ULK1: variants seen among roughly 807,000 people sequenced by gnomAD.
ULK1 encodes serine/threonine-protein kinase ULK1.
A neutral mutation model predicts 117.5 loss-of-function variants in ULK1; 48 were observed. The observed-to-expected ratio is 0.41, with a 90% CI of 0.32 to 0.52. The LOEUF (loss-of-function observed/expected upper bound fraction) is 0.52, where lower values mean the gene tolerates loss of function less well. Among genes scored for constraint, ULK1 ranks in the 20% least tolerant of loss-of-function variants. ULK1 has a pLI of 0.29. For synonymous variants in ULK1, 790 were observed against 637.8 expected, an observed-to-expected ratio of 1.24 and a Z score of -3.60; for missense variants, 1,387 against 1,473.4, an observed-to-expected ratio of 0.94 and a Z score of 0.96.
At chr12:131,910,568 G>C in intron 11 of ULK1, 144 bp from the exon 12 acceptor site, 2 of 1,540,262 alleles carry the variant, frequency 1.3e-6, no homozygotes, top group South Asian at 1.1e-5. Flanking sequence ...GGTGGCCCAG[G>C]AGGGAGCCTC....
intron 3 of ULK1, among the ~76,000 whole-genome samples, chr12:131,896,138 C>T (rs1389792884): frequency 6.6e-6 from 1 of 152,182 alleles, no homozygotes; most frequent in Non-Finnish European, 1.5e-5. Context: ...CCGGCTGGCC[C>T]TGGCAGCACT....
intron 4 of ULK1, 49 bp from the exon 5 acceptor site, chr12:131,907,446 G>GTGGGCCC (rs1566117717): frequency 8.1e-6 from 13 of 1,604,298 alleles, no homozygotes; most frequent in South Asian, 1.1e-5. Context: ...GGGCTGGGAG[G>GTGGGCCC]TGGGCCCTGG....
intron 5 of ULK1, 21 bp downstream of exon 5, chr12:131,907,552 C>A: frequency 6.2e-7 from 1 of 1,606,468 alleles, no homozygotes; most frequent in Non-Finnish European, 8.5e-7. Flanking sequence ...AGCTGCGCCA[C>A]CTGGGCTGCC....
chr12:131,920,947 C>T (rs1270647686), intron 26 of ULK1, 153 bp from the exon 27 acceptor site: 1 of 1,115,816 alleles, frequency 9.0e-7, no homozygotes, highest in Non-Finnish European at 1.2e-6. Context: ...ACCATCCCCT[C>T]TGCACAGCAG....
chr12:131,909,652 CG>C (rs1889438124), intron 8 of ULK1, 122 bp from the exon 9 acceptor site: 1 of 1,054,676 alleles, frequency 9.5e-7, no homozygotes, highest in South Asian at 1.7e-5. Flanking sequence ...CGCTAGCACC[CG>C]GTTTCCCCCG....
chr12:131,909,564 C>T (rs1319471128), intron 8 of ULK1, among the ~76,000 whole-genome samples: 1 of 152,172 alleles, frequency 6.6e-6, no homozygotes, highest in Admixed American at 6.5e-5. Flanking sequence ...AGGCCGCGTT[C>T]TGGGGGGTGG....
At position 131,908,947 on chromosome 12, in the gene ULK1, A is replaced by G. The variant is rs947198242; in HGVS notation, c.540A>G (p.Thr180=). The G allele has an allele frequency of 6.2e-7, 1 of 1,612,436 alleles. No individual in the cohort carries two copies. Among genetic ancestry groups the G allele is most frequent in the Non-Finnish European group, 8.5e-7 (1 of 1,179,796 alleles). ...TCCAGAGCAACATGATGGCGGCCAC[A>G]CTCTGCGGCTCCCCCATGTACATGG... ...RYLQSNMMAA[T]LCGSPMYMAP... The change falls in exon 7 of 28, where the codon ACA becomes ACG. Residue 180 remains threonine (T), a synonymous_variant. Coordinates refer to ENST00000321867, the MANE Select transcript of ULK1 (RefSeq NM_003565.4).
At position 131,919,242 on chromosome 12, in the gene ULK1, C is replaced by T. The variant is rs141188595; in HGVS notation, c.2542C>T (p.Arg848Cys). The change falls in exon 24 of 28, where the codon CGC (arginine) becomes TGC (cysteine). Residue 848 changes from arginine (R) to cysteine (C), a missense_variant. By Grantham distance (180) the Arg-to-Cys change is radical. Coordinates refer to ENST00000321867, the MANE Select transcript of ULK1 (RefSeq NM_003565.4). ...GCACACGGAGATCCTGCGTGGCCTG[C>T]GCTTCACGCTGCTGTTCGTGCAGCA... ...QEHTEILRGL[R>C]FTLLFVQHVL... is the part of the protein sequence containing the mutation. The T allele has an allele frequency of 8.0e-5, 127 of 1,597,184 alleles. No homozygotes were observed. Among genetic ancestry groups the T allele is most frequent in the Non-Finnish European group, 9.9e-5 (116 of 1,177,572 alleles).
At position 131,919,293 on chromosome 12, in the gene ULK1, G is replaced by A. The variant is rs377755333; in HGVS notation, c.2593G>A (p.Gly865Ser). Residue 865 changes from glycine to serine, a missense_variant, in exon 24 of 28, where the codon GGC (glycine) becomes AGC (serine). By Grantham distance (56) the Gly-to-Ser change is moderately conservative. Coordinates refer to ENST00000321867, the MANE Select transcript of ULK1 (RefSeq NM_003565.4). The part of the protein sequence containing the change: ...QHVLEIAALK[G>S]SASEAAGGPE... ...CGTCCTGGAGATCGCAGCCCTGAAG[G>A]GCAGCGCCAGTGAGGCGGCGGGGGG... The A allele has an allele frequency of 2.5e-5, 40 of 1,596,670 alleles. No individual in the cohort carries two copies. The highest frequency in any genetic ancestry group is 3.1e-5 in the Non-Finnish European group (37 of 1,174,840).
intron 3 of ULK1, chr12:131,906,612 C>G: frequency 1.9e-6 from 1 of 518,810 alleles, no homozygotes; most frequent in South Asian, 2.2e-5. Flanking sequence ...GGCCTTCACC[C>G]TTCCTGCTAG....
intron 22 of ULK1, 164 bp from the exon 23 acceptor site, chr12:131,918,333 T>C: frequency 1.2e-6 from 1 of 845,030 alleles, no homozygotes; most frequent in Non-Finnish European, 1.8e-6. Flanking sequence ...GAGGAGTGGC[T>C]CTAGGGGCCT....
chr12:131,913,340 C>A, intron 14 of ULK1, 82 bp downstream of exon 14: 1 of 1,362,718 alleles, frequency 7.3e-7, no homozygotes, highest in Non-Finnish European at 9.7e-7. Context: ...TACAATGAGC[C>A]GAGATCGCGC....
intron 3 of ULK1, among the ~76,000 whole-genome samples, chr12:131,901,228 G>A (rs1219353095): frequency 1.3e-5 from 2 of 151,820 alleles, no homozygotes; most frequent in Non-Finnish European, 1.5e-5. Flanking sequence ...GCGTGGTGGT[G>A]GGCGCCTGTA....
At chr12:131,914,548 CAT>C in intron 16 of ULK1, 71 bp downstream of exon 16, 1 of 1,543,542 alleles carries the variant, frequency 6.5e-7, no homozygotes, top group Non-Finnish European at 8.8e-7. Flanking sequence ...CCACGGCTCC[CAT>C]AGAGGGACAG....
At chr12:131,914,521 G>A (rs570934165) in intron 16 of ULK1, 44 bp downstream of exon 16, 19 of 1,588,192 alleles carry the variant, frequency 1.2e-5, no homozygotes, top group South Asian at 2.2e-5. Context: ...CTGGGGCCTT[G>A]TGTGGCAGGA....
chr12:131,913,832 TC>T lies in ULK1; in HGVS notation c.1244del (p.Ser415Ter). The T allele has an allele frequency of 1.3e-6, 2 of 1,536,010 alleles. No individual in the cohort carries two copies. Among genetic ancestry groups the T allele is most frequent in the South Asian group, 1.2e-5 (1 of 81,366 alleles). On this transcript the variant is annotated frameshift_variant, in exon 15 of 28. Transcript: ENST00000321867. LOFTEE classifies it high-confidence loss of function. ...SPPCSSSPSP[S>X]GRAGPFSSSR... ...ACCCTGCAGCAGCTCCCCCAGTCCC[TC>T]AGGGTAAGCAGGGCCCCAGGCTGGG...
chr12:131,918,662 C>T lies in ULK1; in HGVS notation c.2492C>T (p.Pro831Leu), dbSNP rs1371338021. Reference sequence around the variant, plus strand: ...GTGACCTTCGAGGCCCCCGACCTCCCTGAGGAGACCCTCATGGAGGTGAGG... The same window carrying T: ...GTGACCTTCGAGGCCCCCGACCTCCTTGAGGAGACCCTCATGGAGGTGAGG... ...GAVTFEAPDLPEETLMEQEHT... is the reference protein window; with the variant it reads ...GAVTFEAPDLLEETLMEQEHT... Residue 831 changes from proline (P) to leucine (L), a missense_variant, in exon 23 of 28, where the codon CCT becomes CTT. Around this residue, in one of 4 missense-constraint regions of ULK1, gnomAD observed 900 missense variants for 858.9 expected, o/e 1.05. Coordinates refer to ENST00000321867, the MANE Select transcript of ULK1 (RefSeq NM_003565.4). 1 of 1,596,420 alleles carries T rather than the reference C, an allele frequency of 6.3e-7. No individual in the cohort carries two copies. The highest frequency in any genetic ancestry group is 8.5e-7 in the Non-Finnish European group (1 of 1,171,896).
At chr12:131,919,817 G>A (rs1890069525) in intron 25 of ULK1, 162 bp from the exon 26 acceptor site, 38 of 1,172,240 alleles carry the variant, frequency 3.2e-5, no homozygotes, top group Non-Finnish European at 4.5e-5. Flanking sequence ...ATGGCACCCG[G>A]GACAAGGTGC....
intron 3 of ULK1, among the ~76,000 whole-genome samples, chr12:131,898,604 C>T (rs527993024): frequency 2.0e-5 from 3 of 152,120 alleles, no homozygotes; most frequent in South Asian, 2.1e-4. Flanking sequence ...TGGGTCCAAG[C>T]GATCCTCCTG....
Sources: allele counts gnomAD v4.1 joint callset (sites outside exome capture counted in the v4.1 genomes callset), GRCh38; gene constraint gnomAD v4.1.1; regional missense constraint gnomAD v4.1.1; transcripts MANE v1.5; gene names NCBI Gene and HGNC (gene_info 2026-07-23, HGNC 2026-07-21).